Variants in CCAR2 observed in about 807,000 individuals in gnomAD.
CCAR2 encodes the protein cell cycle and apoptosis regulator protein 2.
Under a neutral mutation model 108.1 loss-of-function variants are expected in CCAR2, and 21 were observed. That is an observed-to-expected ratio of 0.19 (90% CI 0.14 to 0.28). The LOEUF is 0.28. CCAR2 is among the 10% of genes least tolerant of loss of function. CCAR2 has a pLI of 1.00. For synonymous variants in CCAR2, 577 were observed against 472.8 expected (o/e 1.22, Z -2.86); for missense variants, 1,126 against 1,177.0 (o/e 0.96, Z 0.63).
intron 2 of CCAR2, 116 bp downstream of exon 2, chr8:22,605,947 A>T: frequency 7.8e-7 from 1 of 1,289,986 alleles, no homozygotes; most frequent in Non-Finnish European, 1.1e-6. Flanking sequence ...AAAGCAGGAG[A>T]TGCCCACAGT....
In CCAR2 at chr8:22,614,296, C is replaced by G. The variant is rs139429182; in HGVS notation, c.909C>G (p.Asp303Glu). The change falls in exon 9 of 21, where the codon GAC becomes GAG. Residue 303 changes from aspartate to glutamate, a missense_variant. Physicochemically the swap from Asp to Glu is conservative, Grantham distance 45. This residue lies in a region of CCAR2 where 1,013 missense variants were observed against 993.9 expected (regional missense o/e 1.02). Coordinates refer to ENST00000308511, the MANE Select transcript of CCAR2 (RefSeq NM_001393997.1). Reference sequence around the variant, plus strand: ...CTGAGCCCATCACTGCAGACAGTGACCCCGCTTATAGTTCGAAGGTAAGCT... The same window carrying G: ...CTGAGCCCATCACTGCAGACAGTGAGCCCGCTTATAGTTCGAAGGTAAGCT... Reference protein sequence around the residue: ...AGAEPITADSDPAYSSKVLLL... With the variant: ...AGAEPITADSEPAYSSKVLLL... The G allele has an allele frequency of 1.9e-5, 30 of 1,613,918 alleles. No individual in the cohort carries two copies. Among genetic ancestry groups the G allele is most frequent in the Non-Finnish European group, 2.3e-5 (27 of 1,179,966 alleles).
chr8:22,621,228 CTG>C (rs1156555859), downstream of CCAR2: 3 of 669,762 alleles, frequency 4.5e-6, no homozygotes, highest in Non-Finnish European at 7.5e-6. Context: ...CCTGCTGGGG[CTG>C]TGAGTGGGGA....
chr8:22,613,121 C>T lies in CCAR2; in HGVS notation c.689C>T (p.Pro230Leu). 1 of 1,605,846 alleles carries T rather than the reference C, an allele frequency of 6.2e-7. No individual in the cohort carries two copies. The change falls in exon 8 of 21, where the codon CCT becomes CTT. Residue 230 changes from proline (P) to leucine (L), a missense_variant. By Grantham distance (98) the Pro-to-Leu change is moderately conservative. This residue lies in a region of CCAR2 where 1,013 missense variants were observed against 993.9 expected (regional missense o/e 1.02). Transcript: ENST00000308511. ...DLPPYRVHLTPYTVDSPICDF... is the reference protein window; with the variant it reads ...DLPPYRVHLTLYTVDSPICDF... ...CCTCCTTACCGGGTCCACCTCACTC[C>T]TTACACTGTGGACAGGTGAGTGGCG...
At chr8:22,618,563 C>T (rs1801616291) in intron 17 of CCAR2, 54 bp from the exon 18 acceptor site, 7 of 1,614,004 alleles carry the variant, frequency 4.3e-6, no homozygotes, top group Non-Finnish European at 5.9e-6. Context: ...AGGTTCCCGC[C>T]CATGGCCAGG....
rs1801398222 is a variant in CCAR2, at chr8:22,614,076, T to C, written c.705-16T>C. 1 of 1,608,436 alleles carries C rather than the reference T, an allele frequency of 6.2e-7. No homozygotes were observed. The highest frequency in any genetic ancestry group is 1.3e-5 in the African/African-American group (1 of 74,836). ...AGTCTTTGCTCAGTCTGGATTCCCT[T>C]GCTGTCTTCCTGTAGCCCCATCTGT... On this transcript the variant is annotated splice_polypyrimidine_tract_variant and intron_variant, in intron 8 of 20. Coordinates refer to ENST00000308511, the MANE Select transcript of CCAR2 (RefSeq NM_001393997.1).
chr8:22,607,170 T>G, intron 5 of CCAR2, 26 bp from the exon 6 acceptor site: 1 of 1,612,486 alleles, frequency 6.2e-7, no homozygotes, highest in Non-Finnish European at 8.5e-7. Flanking sequence ...TGGGGTCCCC[T>G]GAATTTCCTG....
chr8:22,618,366 C>G lies in CCAR2; in HGVS notation c.2091C>G (p.Pro697=), dbSNP rs956210347. ...SLQDMPKELD[P]SAVLPLDCLL... ...CTTTGCAGCCCAAGGAGCTGGATCC[C>G]TCTGCTGTGCTCCCCTTAGACTGTC... The change falls in exon 17 of 21, where the codon CCC becomes CCG. Residue 697 remains proline, a synonymous_variant. Coordinates refer to ENST00000308511, the MANE Select transcript of CCAR2 (RefSeq NM_001393997.1). 1 of 1,614,126 alleles carries G rather than the reference C, an allele frequency of 6.2e-7. No homozygotes were observed. Among genetic ancestry groups the G allele is most frequent in the Non-Finnish European group, 8.5e-7 (1 of 1,180,050 alleles).
intron 1 of CCAR2, 59 bp from the exon 2 acceptor site, chr8:22,605,676 TC>T: frequency 4.0e-6 from 4 of 1,005,420 alleles, no homozygotes; most frequent in Non-Finnish European, 6.1e-6. Context: ...TCTCCACTTT[TC>T]CGGGTATAGA....
Position 22,604,757 on chromosome 8 carries a change from A to G in CCAR2, c.-124A>G, listed in dbSNP as rs1041193947. On this transcript the variant is annotated 5_prime_UTR_variant, in exon 1 of 21. Coordinates refer to ENST00000308511, the MANE Select transcript of CCAR2 (RefSeq NM_001393997.1). Reference sequence around the variant, plus strand: ...TTCCGACCAGTGGTCGCGCTTCCGGAGAGGCGCTTCCGGTGGCGGCGGCAG... The same window carrying G: ...TTCCGACCAGTGGTCGCGCTTCCGGGGAGGCGCTTCCGGTGGCGGCGGCAG... The G allele has an allele frequency of 2.2e-6, 1 of 455,976 alleles. No homozygotes were observed. The highest frequency in any genetic ancestry group is 2.3e-5 in the Admixed American group (1 of 42,566). 28.2% of individuals were successfully genotyped at this position (455,976 alleles called of 1,614,324 possible).
rs145783124 is a variant in CCAR2 at position 22,614,470 on chromosome 8, G to A, written c.1008G>A (p.Arg336=). The part of the protein sequence containing the change: ...MLFVDDMAEP[R]ETPEHPLKQI... ...TTGTGGATGACATGGCTGAGCCAAGGGAGACGCCAGAGCATCCTCTGAAGC... is the reference window on the plus strand; with the variant it reads ...TTGTGGATGACATGGCTGAGCCAAGAGAGACGCCAGAGCATCCTCTGAAGC... Residue 336 remains arginine, a synonymous_variant, in exon 10 of 21, where the codon AGG becomes AGA. Transcript: ENST00000308511. 1.3e-3 allele frequency: 2,105 copies of A among 1,614,182 alleles called. 5 individuals are homozygous for A. Among genetic ancestry groups the A allele is most frequent in the Middle Eastern group, 1.8e-3 (11 of 6,062 alleles).
At position 22,605,754 on chromosome 8, in the gene CCAR2, G is replaced by A. The variant is rs780956169; in HGVS notation, c.-20G>A. The stretch of plus-strand genomic sequence containing the variant: ...ATTGAAGCCTTTTCCCCACGACTCT[G>A]AAAGAGGACAGCGTTCCCAATGTCC... On this transcript the variant is annotated 5_prime_UTR_variant, in exon 2 of 21. Transcript: ENST00000308511. 1 of 1,611,714 alleles carries A rather than the reference G, an allele frequency of 6.2e-7. No individual in the cohort carries two copies. The highest frequency in any genetic ancestry group is 8.5e-7 in the Non-Finnish European group (1 of 1,178,354).
intron 1 of CCAR2, chr8:22,605,522 T>C: frequency 1.8e-6 from 1 of 543,276 alleles, no homozygotes; most frequent in Non-Finnish European, 3.3e-6. Context: ...GACAGTATCA[T>C]GCACCACTAG....
At chr8:22,613,565 G>T (rs544752494) in intron 8 of CCAR2, among the ~76,000 whole-genome samples, 1 of 152,160 alleles carries the variant, frequency 6.6e-6, no homozygotes, top group Non-Finnish European at 1.5e-5. Context: ...GCTATTGCCA[G>T]TTCTCCTGAA....
chr8:22,615,036 G>A (rs201940531), intron 11 of CCAR2, 35 bp downstream of exon 11: 80 of 1,512,266 alleles, frequency 5.3e-5, no homozygotes, highest in African/African-American at 1.4e-4. Flanking sequence ...CTGCACCAAC[G>A]CACCAGGTTG....
rs199957280 is a variant in CCAR2 at position 22,606,096 on chromosome 8, A to C, written c.70A>C (p.Thr24Pro). Residue 24 changes from threonine (T) to proline (P), a missense_variant, in exon 3 of 21, where the codon ACA becomes CCA. By Grantham distance (38) the Thr-to-Pro change is conservative. Coordinates refer to ENST00000308511, the MANE Select transcript of CCAR2 (RefSeq NM_001393997.1). Reference protein sequence around the residue: ...GGRNFSGTASTSLLGPPPGLL... With the variant: ...GGRNFSGTASPSLLGPPPGLL... ...CTCTTTCCCCATAGGCACAGCTTCA[A>C]CATCTCTTCTGGGCCCTCCTCCTGG... The C allele has an allele frequency of 3.1e-6, 5 of 1,613,846 alleles. No homozygotes were observed. The African/African-American group carries it at 5.3e-5, about 17-fold the overall frequency.
intron 6 of CCAR2, 139 bp downstream of exon 6, chr8:22,607,464 A>AT: frequency 2.0e-6 from 1 of 504,798 alleles, no homozygotes; most frequent in Non-Finnish European, 3.1e-6. Flanking sequence ...ATAGGTGTTT[A>AT]GGGTTTTTTT....
rs1801619418 is a variant in CCAR2 at position 22,618,625 on chromosome 8, G to T, written c.2229G>T (p.Gln743His). The T allele has an allele frequency of 2.5e-6, 4 of 1,614,138 alleles. No homozygotes were observed. The highest frequency in any genetic ancestry group is 3.4e-6 in the Non-Finnish European group (4 of 1,180,036). Residue 743 changes from glutamine to histidine, a missense_variant, in exon 18 of 21, where the codon CAG (glutamine) becomes CAT (histidine). Coordinates refer to ENST00000308511, the MANE Select transcript of CCAR2 (RefSeq NM_001393997.1). Reference sequence around the variant, plus strand: ...AGATGTGTTTTCTGCAGGCCAAGCAGCTGGTCAGCAGGGTGGTGACCCAGA... The same window carrying T: ...AGATGTGTTTTCTGCAGGCCAAGCATCTGGTCAGCAGGGTGGTGACCCAGA... Reference protein sequence around the residue: ...GIRLSAEQAKQLVSRVVTQNI... With the variant: ...GIRLSAEQAKHLVSRVVTQNI...
intron 16 of CCAR2, 173 bp from the exon 17 acceptor site, chr8:22,618,176 G>A (rs900269): frequency 0.062 from 49,115 of 796,540 alleles, 4,171 homozygotes; most frequent in African/African-American, 0.33. Flanking sequence ...CTGCAGCCTC[G>A]AACTCCTGGG....
Position 22,614,998 on chromosome 8 carries a change from A to AG in CCAR2, c.1203dup (p.Trp402ValfsTer64). 6.4e-7 allele frequency: 1 copy of AG among 1,565,956 alleles called. No homozygotes were observed. Among genetic ancestry groups the AG allele is most frequent in the Non-Finnish European group, 8.7e-7 (1 of 1,154,190 alleles). On this transcript the variant is annotated frameshift_variant, in exon 11 of 21. Transcript: ENST00000308511. LOFTEE classifies it high-confidence loss of function. Reference sequence around the variant, plus strand: ...GGCATTGATTTGAGCGGCTGTACCAAGTGGTGAGTGGGCTTCCTGAGCCTC... The same window carrying AG: ...GGCATTGATTTGAGCGGCTGTACCAAGGTGGTGAGTGGGCTTCCTGAGCCTC...
Sources: allele counts gnomAD v4.1 joint callset (sites outside exome capture counted in the v4.1 genomes callset), GRCh38; gene constraint gnomAD v4.1.1; regional missense constraint gnomAD v4.1.1; transcripts MANE v1.5; gene names NCBI Gene and HGNC (gene_info 2026-07-23, HGNC 2026-07-21).